Variants in EPHB2 observed in about 807,000 individuals in gnomAD.
EPHB2 encodes the protein ephrin type-B receptor 2.
EPHB2 carries 18 observed loss-of-function variants against 96.4 expected under a neutral mutation model. The observed-to-expected ratio is 0.19, with a 90% confidence interval of 0.13 to 0.28. EPHB2 has a LOEUF of 0.28. Among genes scored for constraint, EPHB2 ranks in the 10% least tolerant of loss-of-function variants. The pLI is 1.00. For missense variants in EPHB2, 989 were observed against 1,355.4 expected (o/e 0.73, Z 4.25); for synonymous variants, 506 against 534.1 (o/e 0.95, Z 0.72).
chr1:22,907,880 C>T, intron 11 of EPHB2, 73 bp from the exon 12 acceptor site: 4 of 1,571,316 alleles, frequency 2.5e-6, no homozygotes, highest in Non-Finnish European at 3.5e-6. Flanking sequence ...TCTGGTTTCC[C>T]ATTATGAGGA....
chr1:22,910,204 C>T (rs1175014636), intron 13 of EPHB2, among the ~76,000 whole-genome samples, 178 bp from the exon 14 acceptor site: 1 of 152,132 alleles, frequency 6.6e-6, no homozygotes, highest in Non-Finnish European at 1.5e-5. Context: ...GATTGAGGGT[C>T]TAGATGGTGG....
chr1:22,752,372 C>T (rs1002813993), intron 1 of EPHB2, among the ~76,000 whole-genome samples: 4 of 152,118 alleles, frequency 2.6e-5, no homozygotes, highest in African/African-American at 9.7e-5. Flanking sequence ...TGGTGTGCAC[C>T]TGTTATCCCA....
At chr1:22,787,271 T>C (rs1487338960) in intron 3 of EPHB2, among the ~76,000 whole-genome samples, 2 of 152,126 alleles carry the variant, frequency 1.3e-5, no homozygotes, top group East Asian at 1.9e-4. Context: ...CTTGGGTGGG[T>C]GGCCCAGGAA....
At chr1:22,739,348 A>G (rs929505892) in intron 1 of EPHB2, among the ~76,000 whole-genome samples, 10 of 152,062 alleles carry the variant, frequency 6.6e-5, no homozygotes, top group Middle Eastern at 3.2e-3. Flanking sequence ...CCCAAGTAAT[A>G]GGGACCGCAG....
chr1:22,784,115 G>A lies in EPHB2; in HGVS notation c.127-277G>A, dbSNP rs1387062746. Among the ~76,000 whole-genome samples the A allele has an allele frequency of 1.3e-5, 2 of 152,242 alleles. No individual in the cohort carries two copies. Among genetic ancestry groups the A allele is most frequent in the Non-Finnish European group, 2.9e-5 (2 of 68,014 alleles). On this transcript the variant is annotated intron_variant, in intron 2 of 15. Transcript: ENST00000374630. The surrounding 1 kb of genome is among the most constrained non-coding windows in gnomAD (Gnocchi z 5.1). Reference sequence around the variant, plus strand: ...CTCCCTATTTTCCCCTTCCAGGTGGGAACTTCCTGGCCAGGGTCCCTGTCT... The same window carrying A: ...CTCCCTATTTTCCCCTTCCAGGTGGAAACTTCCTGGCCAGGGTCCCTGTCT...
At chr1:22,747,602 A>G (rs959360902) in intron 1 of EPHB2, among the ~76,000 whole-genome samples, 4 of 152,236 alleles carry the variant, frequency 2.6e-5, no homozygotes, top group African/African-American at 9.6e-5. Context: ...TTGGGGTGGC[A>G]TGTGGTCTGT....
chr1:22,723,355 C>T (rs1033562332), intron 1 of EPHB2, among the ~76,000 whole-genome samples: 4 of 152,218 alleles, frequency 2.6e-5, no homozygotes, highest in Admixed American at 6.5e-5. Flanking sequence ...GGGCTCTGGC[C>T]GGTACATCCT....
At chr1:22,822,492 C>T (rs562202420) in intron 3 of EPHB2, among the ~76,000 whole-genome samples, 1 of 152,334 alleles carries the variant, frequency 6.6e-6, no homozygotes, top group African/African-American at 2.4e-5. Context: ...CATCTAGCCC[C>T]TAACTGGCAG....
chr1:22,808,849 G>A (rs1644965399), intron 3 of EPHB2, among the ~76,000 whole-genome samples: 1 of 152,188 alleles, frequency 6.6e-6, no homozygotes, highest in Non-Finnish European at 1.5e-5. Flanking sequence ...CAAACCCAAG[G>A]AACCTCACTC....
chr1:22,820,034 A>C, intron 3 of EPHB2, among the ~76,000 whole-genome samples: 1 of 151,586 alleles, frequency 6.6e-6, no homozygotes, highest in African/African-American at 2.4e-5. Context: ...CAGTAACCCC[A>C]CCCCAGACCC....
chr1:22,741,771 C>T (rs946021243), intron 1 of EPHB2, among the ~76,000 whole-genome samples: 14 of 150,432 alleles, frequency 9.3e-5, no homozygotes, highest in South Asian at 4.2e-4. Context: ...AGTTCACCTG[C>T]GTGGAAGCTG....
chr1:22,861,882 C>T (rs1421273181), intron 3 of EPHB2, among the ~76,000 whole-genome samples: 2 of 152,216 alleles, frequency 1.3e-5, no homozygotes, highest in Non-Finnish European at 2.9e-5. Flanking sequence ...ACCCACAGCA[C>T]CCAGGCATAA....
At chr1:22,865,513 C>T (rs1365534776) in intron 5 of EPHB2, among the ~76,000 whole-genome samples, 2 of 152,160 alleles carry the variant, frequency 1.3e-5, no homozygotes, top group African/African-American at 4.8e-5. Flanking sequence ...ATGGGAGAAT[C>T]CAGAGGTGAG....
In EPHB2 at chr1:22,865,095, A is replaced by C; in HGVS notation, c.1186A>C (p.Ser396Arg). Residue 396 changes from serine to arginine, a missense_variant, in exon 5 of 16, where the codon AGT becomes CGT. Coordinates refer to ENST00000374630, the MANE Select transcript of EPHB2 (RefSeq NM_017449.5). The stretch of plus-strand genomic sequence containing the variant: ...CCTGACCGAGCCACGCATTTACATC[A>C]GTGACCTGCTGGCCCACACCCAGTA... The part of the protein sequence containing the change: ...LGLTEPRIYI[S>R]DLLAHTQYTF... 1 of 1,614,206 alleles carries C rather than the reference A, an allele frequency of 6.2e-7. No homozygotes were observed.
At chr1:22,887,034 TGTG>T (rs1366354816) in intron 6 of EPHB2, among the ~76,000 whole-genome samples, 1 of 151,918 alleles carries the variant, frequency 6.6e-6, no homozygotes, top group African/African-American at 2.4e-5. Flanking sequence ...GATTTGTAGG[TGTG>T]GTGCTTACTG....
At chr1:22,865,956 A>G (rs899540142) in intron 5 of EPHB2, among the ~76,000 whole-genome samples, 1 of 151,894 alleles carries the variant, frequency 6.6e-6, no homozygotes, top group African/African-American at 2.4e-5. Flanking sequence ...ACGGCAAAAA[A>G]GGAAGTTGCC....
At chr1:22,847,982 A>G (rs1014960414) in intron 3 of EPHB2, among the ~76,000 whole-genome samples, 12 of 152,128 alleles carry the variant, frequency 7.9e-5, no homozygotes, top group Non-Finnish European at 1.6e-4. Context: ...CCCCTGCTAG[A>G]CGGTGAGCCT....
chr1:22,814,667 C>T (rs1211812980), intron 3 of EPHB2, among the ~76,000 whole-genome samples: 1 of 152,152 alleles, frequency 6.6e-6, no homozygotes, highest in Non-Finnish European at 1.5e-5. Context: ...CAAAGCCAAC[C>T]GCAGCTGAGG....
chr1:22,798,871 G>A (rs12749566), intron 3 of EPHB2, among the ~76,000 whole-genome samples: 3 of 152,076 alleles, frequency 2.0e-5, no homozygotes, highest in Non-Finnish European at 2.9e-5. Flanking sequence ...TTGTCCGGCC[G>A]CAGGATGGAT....
Sources: allele counts gnomAD v4.1 joint callset (sites outside exome capture counted in the v4.1 genomes callset), GRCh38; gene constraint gnomAD v4.1.1; non-coding constraint Gnocchi (gnomAD v3.1); transcripts MANE v1.5; gene names NCBI Gene and HGNC (gene_info 2026-07-23, HGNC 2026-07-21).